ZDHHC15: variants seen among roughly 807,000 people sequenced by gnomAD.
The protein encoded by ZDHHC15 is zDHHC palmitoyltransferase 15.
ZDHHC15 carries 19 observed loss-of-function variants against 31.7 expected under a neutral mutation model. The observed-to-expected ratio is 0.60, with a 90% CI of 0.42 to 0.88. ZDHHC15 has a LOEUF of 0.88. Among genes scored for constraint, ZDHHC15 ranks in the 40% least tolerant of loss-of-function variants. The probability of loss-of-function intolerance (pLI) is 0.00; values close to 1 mark genes in which losing one functional copy is unlikely to be tolerated. For synonymous variants in ZDHHC15, 103 were observed against 90.0 expected (o/e 1.14, Z -0.82); for missense variants, 209 against 251.2 (o/e 0.83, Z 1.14).
chrX:75,433,847 GGGT>G (rs1188193928), intron 4 of ZDHHC15, among the ~76,000 whole-genome samples: 1 of 110,648 alleles, frequency 9.0e-6, no homozygotes, highest in Non-Finnish European at 1.9e-5. Context: ...CTTTTGCTCT[GGGT>G]AAATACCCAG....
intron 10 of ZDHHC15, 27 bp from the exon 11 acceptor site, chrX:75,379,225 CA>C: frequency 8.3e-7 from 1 of 1,207,194 alleles, no homozygotes; most frequent in Non-Finnish European, 1.1e-6. Flanking sequence ...TGAAGATGAT[CA>C]AATGTCCCCG....
intron 10 of ZDHHC15, among the ~76,000 whole-genome samples, chrX:75,404,620 T>TA (rs35986485): frequency 9.0e-6 from 1 of 111,048 alleles, no homozygotes; most frequent in African/African-American, 3.3e-5. Context: ...AACAAACATA[T>TA]AAAAAAAGCT....
chrX:75,393,597 A>T (rs1466671453), intron 10 of ZDHHC15, among the ~76,000 whole-genome samples: 1 of 111,441 alleles, frequency 9.0e-6, no homozygotes, highest in Non-Finnish European at 1.9e-5. Context: ...TCTCCATACT[A>T]TTAGAAGTAG....
At chrX:75,481,835 G>A (rs954378615) in intron 2 of ZDHHC15, among the ~76,000 whole-genome samples, 2 of 112,098 alleles carry the variant, frequency 1.8e-5, no homozygotes, top group Non-Finnish European at 3.8e-5. Context: ...CACCCATAAA[G>A]GTTATTAAGA....
chrX:75,373,699 T>G (rs1212305572), intron 11 of ZDHHC15, among the ~76,000 whole-genome samples: 1 of 110,862 alleles, frequency 9.0e-6, no homozygotes, highest in African/African-American at 3.3e-5. Flanking sequence ...GGGTACATAG[T>G]AGGTATATAT....
intron 10 of ZDHHC15, among the ~76,000 whole-genome samples, chrX:75,381,874 G>T (rs5937370): frequency 9.0e-6 from 1 of 110,723 alleles, no homozygotes; most frequent in African/African-American, 3.3e-5. Context: ...CACTTTCCTG[G>T]AATGCTAATT....
intron 10 of ZDHHC15, among the ~76,000 whole-genome samples, chrX:75,383,959 G>T (rs1476599013): frequency 9.2e-6 from 1 of 108,950 alleles, no homozygotes; most frequent in Non-Finnish European, 1.9e-5. Flanking sequence ...AACCAGGATG[G>T]TCTTGATCTC....
chrX:75,478,801 T>G, intron 3 of ZDHHC15, 90 bp downstream of exon 3: 1 of 673,794 alleles, frequency 1.5e-6, no homozygotes, highest in Non-Finnish European at 2.3e-6. Flanking sequence ...TCTTTCGTAT[T>G]ATTTACTCCT....
chrX:75,415,934 C>T (rs749738634), intron 10 of ZDHHC15, among the ~76,000 whole-genome samples: 2 of 111,776 alleles, frequency 1.8e-5, no homozygotes, highest in East Asian at 5.6e-4. Context: ...TATTTGGCTT[C>T]TATTAGAGTT....
At chrX:75,378,558 T>C (rs1602535664) in intron 11 of ZDHHC15, among the ~76,000 whole-genome samples, 1 of 112,020 alleles carries the variant, frequency 8.9e-6, no homozygotes, top group East Asian at 2.8e-4. Context: ...AATATTTAAT[T>C]ACACTGGGTT....
intron 1 of ZDHHC15, among the ~76,000 whole-genome samples, chrX:75,510,016 T>A (rs1181574583): frequency 9.0e-6 from 1 of 111,288 alleles, no homozygotes; most frequent in Non-Finnish European, 1.9e-5. Flanking sequence ...GAGGGTAGAG[T>A]TTGATATAGG....
At chrX:75,480,487 T>C (rs2084672559) in intron 2 of ZDHHC15, among the ~76,000 whole-genome samples, 1 of 111,438 alleles carries the variant, frequency 9.0e-6, no homozygotes, top group South Asian at 3.8e-4. Flanking sequence ...AGTTTTAAAA[T>C]CTGAAAGTAT....
intron 1 of ZDHHC15, among the ~76,000 whole-genome samples, chrX:75,508,010 G>A (rs2085194067): frequency 9.0e-6 from 1 of 111,168 alleles, no homozygotes; most frequent in African/African-American, 3.3e-5. Context: ...CTACAGCAGT[G>A]CGATCCAATA....
At chrX:75,452,673 C>A (rs1055103650) in intron 3 of ZDHHC15, among the ~76,000 whole-genome samples, 1 of 111,692 alleles carries the variant, frequency 9.0e-6, no homozygotes. Flanking sequence ...GAACAGAAAT[C>A]ATAACAAACT....
At chrX:75,430,091 C>A (rs2083761875) in intron 5 of ZDHHC15, 111 bp from the exon 6 acceptor site, 1 of 832,128 alleles carries the variant, frequency 1.2e-6, no homozygotes, top group Admixed American at 2.8e-5. Flanking sequence ...TAATAACACC[C>A]ATTCTCAGAT....
intron 10 of ZDHHC15, among the ~76,000 whole-genome samples, chrX:75,394,977 T>C (rs904615475): frequency 1.8e-5 from 2 of 112,146 alleles, no homozygotes; most frequent in East Asian, 5.6e-4. Context: ...ATGACAAGTG[T>C]TAAAAAAATT....
chrX:75,484,603 A>G (rs1030827780), intron 2 of ZDHHC15, among the ~76,000 whole-genome samples: 3 of 112,072 alleles, frequency 2.7e-5, no homozygotes, highest in African/African-American at 9.7e-5. Context: ...GAGAACTCTC[A>G]TATATCAATT....
At chrX:75,507,406 G>A (rs2085185161) in intron 1 of ZDHHC15, among the ~76,000 whole-genome samples, 1 of 110,454 alleles carries the variant, frequency 9.1e-6, no homozygotes, top group Admixed American at 9.7e-5. Flanking sequence ...TACTTTTGAG[G>A]ACAAAAGGAC....
chrX:75,487,096 T>C (rs151336262), intron 2 of ZDHHC15, among the ~76,000 whole-genome samples: 1 of 111,514 alleles, frequency 9.0e-6, no homozygotes, highest in Non-Finnish European at 1.9e-5. Flanking sequence ...CAGCAACTCA[T>C]AACAGAACAA....
Sources: allele counts gnomAD v4.1 joint callset (sites outside exome capture counted in the v4.1 genomes callset), GRCh38; gene constraint gnomAD v4.1.1; transcripts MANE v1.5; gene names NCBI Gene and HGNC (gene_info 2026-07-23, HGNC 2026-07-21).